Variants in PTPRM observed in about 807,000 individuals in gnomAD.
PTPRM encodes protein tyrosine phosphatase receptor type M.
PTPRM carries 47 observed loss-of-function variants against 186.7 expected under a neutral mutation model. The ratio of observed to expected loss-of-function variants is 0.25; its 90% CI spans 0.20 to 0.32. PTPRM has a LOEUF of 0.32. Ranked by LOEUF, PTPRM falls within the 10% of genes least tolerant of loss-of-function variation. The probability of loss-of-function intolerance (pLI) is 1.00; values close to 1 mark genes in which losing one functional copy is unlikely to be tolerated. For missense variants in PTPRM, 1,494 were observed against 1,865.0 expected, an observed-to-expected ratio of 0.80 and a Z score of 3.66; for synonymous variants, 668 against 674.9, an observed-to-expected ratio of 0.99 and a Z score of 0.16.
intron 3 of PTPRM, among the ~76,000 whole-genome samples, chr18:7,895,757 A>T (rs746977456): frequency 6.6e-6 from 1 of 152,214 alleles, no homozygotes; most frequent in Non-Finnish European, 1.5e-5. Context: ...GACTAGGCAA[A>T]GTTTTCAGGC....
At chr18:7,856,578 A>G (rs75315124) in intron 2 of PTPRM, among the ~76,000 whole-genome samples, 2 of 143,716 alleles carry the variant, frequency 1.4e-5, no homozygotes, top group Non-Finnish European at 3.0e-5. Flanking sequence ...GTCTTTGCAG[A>G]AAAAAAAAAA....
chr18:8,092,015 C>T (rs1192684066), intron 11 of PTPRM, among the ~76,000 whole-genome samples: 2 of 152,014 alleles, frequency 1.3e-5, no homozygotes, highest in Non-Finnish European at 2.9e-5. Flanking sequence ...TTCAAAAATA[C>T]TGTCATTGTG....
At chr18:7,891,797 C>T (rs1183483606) in intron 3 of PTPRM, among the ~76,000 whole-genome samples, 2 of 152,114 alleles carry the variant, frequency 1.3e-5, no homozygotes, top group Admixed American at 1.3e-4. Flanking sequence ...ATCCCTTCAA[C>T]CAGGGAGGCG....
Position 7,658,719 on chromosome 18 carries a change from A to C in PTPRM, c.73+90828A>C, listed in dbSNP as rs1057178974. Among the ~76,000 whole-genome samples, 12 of 152,206 alleles carry C rather than the reference A, an allele frequency of 7.9e-5. 1 individual carries two copies. In the Middle Eastern group the frequency reaches 9.5e-3, roughly 120 times the overall value. On this transcript the variant is annotated intron_variant, in intron 1 of 32. Coordinates refer to ENST00000580170, the MANE Select transcript of PTPRM (RefSeq NM_001105244.2). The stretch of plus-strand genomic sequence containing the variant: ...CGTAGTAAACAGCTGAGGACATGAG[A>C]ACATGCTGGGACATGAGAATGTGCT...
chr18:8,371,551 TG>T (rs1355887379), intron 24 of PTPRM, among the ~76,000 whole-genome samples: 22 of 152,256 alleles, frequency 1.4e-4, no homozygotes, highest in African/African-American at 5.3e-4. Flanking sequence ...CCATCAGACA[TG>T]GGACACTCTT....
At chr18:8,003,147 G>A (rs1277096123) in intron 7 of PTPRM, among the ~76,000 whole-genome samples, 3 of 152,170 alleles carry the variant, frequency 2.0e-5, no homozygotes, top group Admixed American at 2.0e-4. Flanking sequence ...ATCCCCACAT[G>A]TCAAGGGCGG....
chr18:8,057,187 G>A (rs183972532), intron 7 of PTPRM, among the ~76,000 whole-genome samples: 17 of 151,094 alleles, frequency 1.1e-4, no homozygotes, highest in African/African-American at 3.9e-4. Flanking sequence ...AAGTAGGAAG[G>A]TGGCAAAATT....
At chr18:8,164,964 A>ACCATCCTGG (rs1307697115) in intron 14 of PTPRM, among the ~76,000 whole-genome samples, 1 of 152,084 alleles carries the variant, frequency 6.6e-6, no homozygotes, top group African/African-American at 2.4e-5. Flanking sequence ...AAAGACCGAA[A>ACCATCCTGG]CCATCCTGGC....
intron 1 of PTPRM, among the ~76,000 whole-genome samples, chr18:7,664,840 A>G (rs1386071152): frequency 6.6e-6 from 1 of 152,226 alleles, no homozygotes; most frequent in African/African-American, 2.4e-5. Flanking sequence ...CTGCCACCGT[A>G]AGATGGTATG....
chr18:8,082,809 G>A (rs766477681), intron 9 of PTPRM, among the ~76,000 whole-genome samples: 77 of 151,666 alleles, frequency 5.1e-4, no homozygotes, highest in Non-Finnish European at 9.4e-4. Context: ...ACAGCTTCAT[G>A]TCATACATGT....
intron 5 of PTPRM, among the ~76,000 whole-genome samples, chr18:7,932,296 T>A (rs2051537957): frequency 6.6e-6 from 1 of 152,124 alleles, no homozygotes; most frequent in African/African-American, 2.4e-5. Flanking sequence ...TCATTAGAGG[T>A]CCATACCATT....
chr18:8,070,276 A>G (rs774512841), intron 8 of PTPRM, among the ~76,000 whole-genome samples: 1 of 152,254 alleles, frequency 6.6e-6, no homozygotes, highest in East Asian at 1.9e-4. Flanking sequence ...TTGGGCTGAA[A>G]AATTGTTGTT....
intron 3 of PTPRM, among the ~76,000 whole-genome samples, chr18:7,894,338 G>A (rs191195209): frequency 2.4e-3 from 363 of 152,230 alleles, no homozygotes; most frequent in African/African-American, 8.3e-3. Flanking sequence ...TGTAATCCCA[G>A]CACTTTGGGA....
At chr18:8,146,494 T>TG (rs1214159256) in intron 14 of PTPRM, among the ~76,000 whole-genome samples, 4 of 39,802 alleles carry the variant, frequency 1.0e-4, no homozygotes, top group Admixed American at 8.7e-4. Flanking sequence ...CACTTTTTAA[T>TG]GGGATTGTTT....
intron 2 of PTPRM, among the ~76,000 whole-genome samples, chr18:7,817,867 G>C (rs1177891491): frequency 6.6e-6 from 1 of 152,180 alleles, no homozygotes. Context: ...CTTGGAGTAA[G>C]ACTCCCGGAA....
intron 14 of PTPRM, among the ~76,000 whole-genome samples, chr18:8,165,520 C>T (rs2093309445): frequency 1.3e-5 from 2 of 152,280 alleles, no homozygotes; most frequent in South Asian, 2.1e-4. Flanking sequence ...AACCAAACTG[C>T]CTTGAAAAAA....
rs982333191 is a variant in PTPRM at position 7,949,456 on chromosome 18, T to G, written c.838+101T>G. The G allele has an allele frequency of 5.0e-6, 5 of 994,188 alleles. No individual in the cohort carries two copies. The Admixed American group carries it at 9.1e-5, about 18-fold the overall frequency. 61.6% of individuals were successfully genotyped at this position (994,188 alleles called of 1,614,324 possible). On this transcript the variant is annotated intron_variant, in intron 6 of 32. Transcript: ENST00000580170. The stretch of plus-strand genomic sequence containing the variant: ...AAAGCTCAAACTTACCCTTGTCTGT[T>G]TCTGAGCAGTGGTTTGATGACAGGC...
chr18:8,372,954 T>A (rs1041191507), intron 24 of PTPRM, among the ~76,000 whole-genome samples: 1 of 152,154 alleles, frequency 6.6e-6, no homozygotes, highest in African/African-American at 2.4e-5. Flanking sequence ...TCTTTTTTTT[T>A]AACCTCTTAT....
chr18:8,253,908 T>A (rs967205105), intron 19 of PTPRM, among the ~76,000 whole-genome samples: 5 of 152,154 alleles, frequency 3.3e-5, no homozygotes, highest in African/African-American at 1.2e-4. Flanking sequence ...CCCCTCCCCA[T>A]CCTGTTTTTT....
Sources: gnomAD v4.1 joint callset for allele counts (sites outside exome capture counted in the v4.1 genomes callset) on GRCh38, gnomAD v4.1.1 for gene constraint, MANE v1.5 for transcripts, NCBI Gene and HGNC (gene_info 2026-07-23, HGNC 2026-07-21) for gene names.